VDAC1: variants seen among roughly 807,000 people sequenced by gnomAD.
The protein encoded by VDAC1 is voltage dependent anion channel 1, also known as non-selective voltage-gated ion channel VDAC1.
VDAC1 carries 10 observed loss-of-function variants against 34.7 expected under a neutral mutation model. That is an observed-to-expected ratio of 0.29 (90% CI 0.18 to 0.49). The LOEUF is 0.49. VDAC1 is among the 20% of genes least tolerant of loss of function. VDAC1 has a pLI of 0.99. For missense variants in VDAC1, 230 were observed against 347.9 expected (o/e 0.66, Z 2.69); for synonymous variants, 130 against 136.0 (o/e 0.96, Z 0.30).
At chr5:134,010,377 C>A in the VDAC1 span, among the ~76,000 whole-genome samples, 4 of 152,198 alleles carry the variant, frequency 2.6e-5, no homozygotes, top group African/African-American at 9.6e-5. Flanking sequence ...GCGGGCAGAT[C>A]ACCTGAGATC....
chr5:134,074,905 T>C, the VDAC1 span, among the ~76,000 whole-genome samples: 2 of 152,074 alleles, frequency 1.3e-5, no homozygotes, highest in African/African-American at 4.8e-5. Context: ...ACAGAGCAAA[T>C]GGCACAGTCA....
the VDAC1 span, among the ~76,000 whole-genome samples, chr5:134,069,057 C>T: frequency 1.3e-5 from 2 of 150,872 alleles, no homozygotes; most frequent in Non-Finnish European, 2.9e-5. Context: ...AGTAGCAGTC[C>T]TCTCTGGGAG....
the VDAC1 span, among the ~76,000 whole-genome samples, chr5:134,103,203 C>T: frequency 6.6e-6 from 1 of 152,180 alleles, no homozygotes; most frequent in South Asian, 2.1e-4. Flanking sequence ...CTAACTGTAG[C>T]CTCCACCTCC....
At chr5:133,978,070 G>GT (rs1752545379) in intron 6 of VDAC1, among the ~76,000 whole-genome samples, 1 of 151,956 alleles carries the variant, frequency 6.6e-6, no homozygotes, top group Non-Finnish European at 1.5e-5. Context: ...CAGAGCCCAC[G>GT]TACTTTGGAA....
rs772496037 is a variant in VDAC1, at chr5:133,972,846, C to T, written c.777G>A (p.Leu259=). The T allele has an allele frequency of 6.8e-6, 11 of 1,613,776 alleles. No homozygotes were observed. In the South Asian group the frequency reaches 1.1e-4, roughly 16 times the overall value. Reference sequence around the variant, plus strand: ...CGTTCTTGCCATCCAGAAGAGCTGACAGTGTCAGTTTAATACCTGCAGGGA... The same window carrying T: ...CGTTCTTGCCATCCAGAAGAGCTGATAGTGTCAGTTTAATACCTGCAGGGA... ...QTLKPGIKLT[L]SALLDGKNVN... The change falls in exon 9 of 9, where the codon CTG becomes CTA. Residue 259 remains leucine, a synonymous_variant. Coordinates refer to ENST00000265333, the MANE Select transcript of VDAC1 (RefSeq NM_003374.3).
At chr5:134,099,084 GGAGAGAAGGAAGGCGGGCA>G in the VDAC1 span, among the ~76,000 whole-genome samples, 1 of 152,210 alleles carries the variant, frequency 6.6e-6, no homozygotes. Flanking sequence ...AGACACTGTA[GGAGAGAAGGAAGGCGGGCA>G]GAGAGGTGGA....
At chr5:134,086,029 C>T in the VDAC1 span, among the ~76,000 whole-genome samples, 3 of 152,058 alleles carry the variant, frequency 2.0e-5, no homozygotes, top group Non-Finnish European at 4.4e-5. Context: ...CCTGTGTCTA[C>T]TAAAAATACA....
the VDAC1 span, among the ~76,000 whole-genome samples, chr5:134,101,253 A>C: frequency 6.6e-6 from 1 of 152,102 alleles, no homozygotes; most frequent in Non-Finnish European, 1.5e-5. Context: ...CCTTTCTCCG[A>C]GCCCCTAATT....
At chr5:133,980,590 A>C in intron 6 of VDAC1, 139 bp downstream of exon 6, 1 of 738,590 alleles carries the variant, frequency 1.4e-6, no homozygotes. Flanking sequence ...GGCTCATCTA[A>C]TGCCAACAAA....
chr5:134,084,310 G>T, the VDAC1 span, among the ~76,000 whole-genome samples: 1 of 152,180 alleles, frequency 6.6e-6, no homozygotes, highest in East Asian at 1.9e-4. Context: ...CCTCTGAAAG[G>T]CCTTGTAGGG....
intron 6 of VDAC1, among the ~76,000 whole-genome samples, chr5:133,980,516 G>A (rs1049708508): frequency 2.6e-5 from 4 of 151,666 alleles, no homozygotes; most frequent in African/African-American, 9.7e-5. Flanking sequence ...TCACAGAGTG[G>A]AAAGGATCTA....
At chr5:133,997,254 C>A (rs1753350378) in intron 1 of VDAC1, among the ~76,000 whole-genome samples, 1 of 152,116 alleles carries the variant, frequency 6.6e-6, no homozygotes, top group African/African-American at 2.4e-5. Flanking sequence ...ACTGTAGCAA[C>A]CAAGGCACTA....
At chr5:134,019,932 T>C in the VDAC1 span, among the ~76,000 whole-genome samples, 1 of 152,134 alleles carries the variant, frequency 6.6e-6, no homozygotes, top group Non-Finnish European at 1.5e-5. Flanking sequence ...GGAACGACTT[T>C]CTCTCTGACA....
At chr5:134,039,988 C>A in the VDAC1 span, among the ~76,000 whole-genome samples, 16 of 152,312 alleles carry the variant, frequency 1.1e-4, no homozygotes, top group African/African-American at 3.8e-4. Flanking sequence ...AGGGTGACAG[C>A]ACCCCCTTAG....
chr5:134,038,283 A>G, the VDAC1 span, among the ~76,000 whole-genome samples: 1 of 152,242 alleles, frequency 6.6e-6, no homozygotes, highest in African/African-American at 2.4e-5. Flanking sequence ...AGCAAACCAC[A>G]TAAATATCTG....
chr5:134,048,998 T>C, the VDAC1 span, among the ~76,000 whole-genome samples: 8 of 152,196 alleles, frequency 5.3e-5, no homozygotes, highest in Non-Finnish European at 4.4e-5. Flanking sequence ...GCTTACTCTG[T>C]GCTAAGTAGT....
chr5:134,059,553 C>T, the VDAC1 span, among the ~76,000 whole-genome samples: 19 of 152,210 alleles, frequency 1.2e-4, no homozygotes, highest in African/African-American at 4.3e-4. Context: ...AAGCCCGTCG[C>T]GCTGTTTCAT....
At chr5:134,086,840 C>T in the VDAC1 span, among the ~76,000 whole-genome samples, 2 of 152,172 alleles carry the variant, frequency 1.3e-5, no homozygotes, top group Non-Finnish European at 2.9e-5. Flanking sequence ...TCCCTTGTGA[C>T]GTTCATCTTA....
At chr5:133,987,664 G>A (rs1225066912) in intron 5 of VDAC1, among the ~76,000 whole-genome samples, 1 of 152,130 alleles carries the variant, frequency 6.6e-6, no homozygotes, top group Admixed American at 6.5e-5. Flanking sequence ...CATTTGCCAA[G>A]CGTAACTGTT....
Sources: gnomAD v4.1 joint callset for allele counts (sites outside exome capture counted in the v4.1 genomes callset) on GRCh38, gnomAD v4.1.1 for gene constraint, MANE v1.5 for transcripts, NCBI Gene and HGNC (gene_info 2026-07-23, HGNC 2026-07-21) for gene names.